Variants in FER1L6 observed in about 807,000 individuals in gnomAD.
FER1L6 encodes fer-1-like protein 6.
FER1L6 carries 177 observed loss-of-function variants against 219.2 expected under a neutral mutation model. The ratio of observed to expected loss-of-function variants is 0.81; its 90% confidence interval spans 0.71 to 0.91. The LOEUF (loss-of-function observed/expected upper bound fraction) is 0.91. Among genes scored for constraint, FER1L6 ranks in the 40% least tolerant of loss-of-function variants. FER1L6 has a pLI of 0.00. For synonymous variants in FER1L6, 768 were observed against 824.3 expected (o/e 0.93, Z 1.17); for missense variants, 2,153 against 2,259.9 (o/e 0.95, Z 0.96).
At chr8:123,913,398 G>A (rs898216466) in intron 1 of FER1L6, among the ~76,000 whole-genome samples, 2 of 151,996 alleles carry the variant, frequency 1.3e-5, no homozygotes, top group Non-Finnish European at 2.9e-5. Context: ...CAATTCCTAA[G>A]AGAAAGAAAA....
In FER1L6 at chr8:123,956,043, G is replaced by A. The variant is rs374438333; in HGVS notation, c.45G>A (p.Lys15=). ...KVKKKRNKAE[K]GLILANKAAK... ...AGAAGAAGAGAAATAAGGCAGAGAA[G>A]GGGTTAATCCTAGCCAACAAGGCTG... The change falls in exon 2 of 41, where the codon AAG becomes AAA. Residue 15 remains lysine, a synonymous_variant. Transcript: ENST00000522917. 3 of 1,612,448 alleles carry A rather than the reference G, an allele frequency of 1.9e-6. No homozygotes were observed. The highest frequency in any genetic ancestry group is 1.1e-5 in the South Asian group (1 of 90,476).
In FER1L6 at chr8:123,943,060, C is replaced by T. The variant is rs567125794; in HGVS notation, c.-7-12932C>T. On this transcript the variant is annotated intron_variant, in intron 1 of 40. Transcript: ENST00000522917. ...CCAGCACGTACCAATCTCTCTGTGG[C>T]TCAGTTTTGCCATCTGTACATTGAG... Among the ~76,000 whole-genome samples the T allele has an allele frequency of 2.9e-3, 441 of 152,328 alleles. 3 individuals carry two copies. Among genetic ancestry groups the T allele is most frequent in the African/African-American group, 9.8e-3 (407 of 41,590 alleles).
At chr8:124,035,716 A>G (rs1273921194) in intron 19 of FER1L6, among the ~76,000 whole-genome samples, 1 of 152,252 alleles carries the variant, frequency 6.6e-6, no homozygotes, top group Non-Finnish European at 1.5e-5. Flanking sequence ...GTTTCTTTGT[A>G]GGCAGATTAT....
rs7465584 is a variant in FER1L6, at chr8:123,975,238, T to C, written c.615T>C (p.Ser205=). The C allele has an allele frequency of 0.46, 739,380 of 1,611,974 alleles. 172,435 individuals carry two copies. The highest frequency in any genetic ancestry group is 0.48 in the Non-Finnish European group (567,700 of 1,179,046). Residue 205 remains serine (S), a synonymous_variant, in exon 8 of 41, where the codon AGT becomes AGC. Coordinates refer to ENST00000522917, the MANE Select transcript of FER1L6 (RefSeq NM_001039112.2). ...AGGGGTACCTGAAATGTGACATCAG[T>C]GTCATGGGAAAAGGTGATGTCTTGA... ...GTKGYLKCDI[S]VMGKGDVLKT...
rs1187641125 is a variant in FER1L6, at chr8:123,976,496, A to G, written c.870+412A>G. On this transcript the variant is annotated intron_variant, in intron 9 of 40. Transcript: ENST00000522917. The stretch of plus-strand genomic sequence containing the variant: ...TGTGCTCCAGCCTGGGTGACAGAGC[A>G]AGACTCTGTCTTTAAAAAAAAAAAA... 2.6e-5 allele frequency among the ~76,000 whole-genome samples: 4 copies of G among 151,944 alleles called. No homozygotes were observed. In the East Asian group the frequency reaches 7.7e-4, roughly 29 times the overall value.
At position 124,066,614 on chromosome 8, in the gene FER1L6, C is replaced by A. The variant is rs565711687; in HGVS notation, c.3678+64C>A. The A allele has an allele frequency of 2.5e-4, 400 of 1,572,132 alleles. 3 individuals are homozygous for A. The African/African-American group carries it at 4.7e-3, about 19-fold the overall frequency. ...TAAGGAAACACAGCACCTTCTCCTA[C>A]CCTAAGTCCTACATAACCTCCTTTT... On this transcript the variant is annotated intron_variant, in intron 27 of 40. Transcript: ENST00000522917.
intron 1 of FER1L6, among the ~76,000 whole-genome samples, chr8:123,912,211 T>C (rs1457050525): frequency 2.6e-5 from 4 of 152,044 alleles, no homozygotes; most frequent in Non-Finnish European, 5.9e-5. Context: ...GCAAGTTAGC[T>C]AATCTAATAA....
chr8:124,040,385 T>A (rs1178970615), intron 20 of FER1L6: 1 of 233,100 alleles, frequency 4.3e-6, no homozygotes, highest in Non-Finnish European at 8.6e-6. Context: ...GGGGTCTCAG[T>A]GGGGAGAAAC....
At chr8:124,013,667 A>G (rs546184692) in intron 15 of FER1L6, 136 bp downstream of exon 15, 2 of 460,172 alleles carry the variant, frequency 4.3e-6, no homozygotes, top group South Asian at 8.7e-5. Flanking sequence ...AATTTTGTTC[A>G]GTAATTTCAC....
intron 1 of FER1L6, among the ~76,000 whole-genome samples, chr8:123,869,495 G>A (rs1170590587): frequency 6.6e-6 from 1 of 152,082 alleles, no homozygotes; most frequent in South Asian, 2.1e-4. Context: ...TATCTGACTG[G>A]ATGAGTGGTG....
intron 2 of FER1L6, among the ~76,000 whole-genome samples, chr8:123,960,500 G>A (rs1815222161): frequency 6.6e-6 from 1 of 152,140 alleles, no homozygotes; most frequent in Non-Finnish European, 1.5e-5. Flanking sequence ...GGCTTCCCAG[G>A]AAACCTATCC....
At chr8:123,858,871 G>A (rs10956152) in intron 1 of FER1L6, among the ~76,000 whole-genome samples, 10 of 152,202 alleles carry the variant, frequency 6.6e-5, no homozygotes, top group African/African-American at 2.4e-4. Context: ...CCACCAGGGC[G>A]GTATTGCCCC....
At chr8:123,988,431 C>T (rs932206476) in intron 12 of FER1L6, among the ~76,000 whole-genome samples, 2 of 152,206 alleles carry the variant, frequency 1.3e-5, no homozygotes, top group Non-Finnish European at 2.9e-5. Flanking sequence ...GATGTTTTAA[C>T]AATACTGATT....
At chr8:123,940,682 A>G (rs1454423093) in intron 1 of FER1L6, among the ~76,000 whole-genome samples, 1 of 152,192 alleles carries the variant, frequency 6.6e-6, no homozygotes. Flanking sequence ...TGTCTTTTGC[A>G]TCTCTAAAAT....
At chr8:123,961,704 C>T (rs980487780) in intron 2 of FER1L6, among the ~76,000 whole-genome samples, 5 of 152,054 alleles carry the variant, frequency 3.3e-5, no homozygotes, top group Admixed American at 2.0e-4. Context: ...ACTGAACACA[C>T]GTGCATGTTA....
In FER1L6 at chr8:123,956,031, TAAGGCAGAG is replaced by T. The variant is rs756622611; in HGVS notation, c.38_46del (p.Ala13_Lys15del). The stretch of plus-strand genomic sequence containing the variant: ...GGCTGAAGGTGAAGAAGAAGAGAAA[TAAGGCAGAG>T]AAGGGGTTAATCCTAGCCAACAAGG... On this transcript the variant is annotated inframe_deletion, in exon 2 of 41. Coordinates refer to ENST00000522917, the MANE Select transcript of FER1L6 (RefSeq NM_001039112.2). The T allele has an allele frequency of 6.2e-7, 1 of 1,612,196 alleles. No individual in the cohort carries two copies. Among genetic ancestry groups the T allele is most frequent in the Non-Finnish European group, 8.5e-7 (1 of 1,179,474 alleles).
At chr8:123,939,673 T>C (rs1453880828) in intron 1 of FER1L6, among the ~76,000 whole-genome samples, 1 of 152,158 alleles carries the variant, frequency 6.6e-6, no homozygotes, top group African/African-American at 2.4e-5. Context: ...TTAGTTTGCT[T>C]GCTGTGCTTA....
At chr8:124,021,811 G>A (rs1818466416) in intron 17 of FER1L6, 142 bp downstream of exon 17, 1 of 887,924 alleles carries the variant, frequency 1.1e-6, no homozygotes, top group Admixed American at 2.5e-5. Context: ...TCCTAGTTTA[G>A]AGAAGAGATT....
At chr8:124,078,824 G>A (rs929959649) in intron 32 of FER1L6, among the ~76,000 whole-genome samples, 2 of 151,466 alleles carry the variant, frequency 1.3e-5, no homozygotes, top group African/African-American at 4.9e-5. Context: ...CCACAGGAAG[G>A]GACCTAGCAG....
Sources: allele counts gnomAD v4.1 joint callset (sites outside exome capture counted in the v4.1 genomes callset), GRCh38; gene constraint gnomAD v4.1.1; transcripts MANE v1.5; gene names NCBI Gene and HGNC (gene_info 2026-07-23, HGNC 2026-07-21).